Variants in PCDHGA2 observed in about 807,000 individuals in gnomAD.
PCDHGA2 encodes the protein protocadherin gamma subfamily A, 2.
PCDHGA2 carries 40 observed loss-of-function variants against 59.2 expected under a neutral mutation model. That is an observed-to-expected ratio of 0.68 (90% CI 0.52 to 0.88). The LOEUF (loss-of-function observed/expected upper bound fraction) is 0.88, where lower values mean the gene tolerates loss of function less well. PCDHGA2 is among the 40% of genes least tolerant of loss of function. The pLI is 0.00. For synonymous variants in PCDHGA2, 560 were observed against 526.0 expected (o/e 1.06, Z -0.89); for missense variants, 1,226 against 1,204.0 (o/e 1.02, Z -0.27).
intron 2 of PCDHGA2, among the ~76,000 whole-genome samples, chr5:141,501,306 C>T (rs1016823458): frequency 5.3e-5 from 8 of 151,412 alleles, no homozygotes; most frequent in Non-Finnish European, 8.8e-5. Context: ...CACACACACA[C>T]ACACACACAC....
At chr5:141,384,183 A>G (rs1779806989) in intron 1 of PCDHGA2, 11 of 1,613,812 alleles carry the variant, frequency 6.8e-6, no homozygotes, top group Non-Finnish European at 9.3e-6. Context: ...CAGATGGTGG[A>G]ACTCCTCCCT....
intron 1 of PCDHGA2, among the ~76,000 whole-genome samples, chr5:141,434,935 T>C (rs952530533): frequency 6.6e-6 from 1 of 151,788 alleles, no homozygotes; most frequent in Non-Finnish European, 1.5e-5. Flanking sequence ...TTTTATATAA[T>C]AGATATAATT....
chr5:141,403,004 T>A, intron 1 of PCDHGA2: 1 of 1,613,990 alleles, frequency 6.2e-7, no homozygotes, highest in Non-Finnish European at 8.5e-7. Context: ...CCTGCTATGC[T>A]CGCTCCTGGG....
At chr5:141,412,934 G>A (rs1232539262) in intron 1 of PCDHGA2, 1 of 453,932 alleles carries the variant, frequency 2.2e-6, no homozygotes, top group African/African-American at 2.0e-5. Context: ...TAACTTCTTA[G>A]GACTCTGAGC....
At position 141,356,943 on chromosome 5, in the gene PCDHGA2, C is replaced by T. The variant is rs374189449; in HGVS notation, c.2424+15548C>T. 109 of 1,614,240 alleles carry T rather than the reference C, an allele frequency of 6.8e-5. No homozygotes were observed. The African/African-American group carries it at 9.1e-4, about 13-fold the overall frequency. On this transcript the variant is annotated intron_variant, in intron 1 of 3. Transcript: ENST00000394576. ...CTGGTGTGGAGCTGGCACCCCGCTC[C>T]GCAGATTCCGGCTACCTGGTGACCA... is the stretch of plus-strand genomic sequence containing the variant.
chr5:141,421,927 C>T (rs1179128418), intron 1 of PCDHGA2: 2 of 1,613,396 alleles, frequency 1.2e-6, no homozygotes, highest in African/African-American at 2.7e-5. Flanking sequence ...TGTGGTGGTC[C>T]TCGATGTAAA....
At chr5:141,408,045 A>G (rs544263424) in intron 1 of PCDHGA2, 8 of 1,236,658 alleles carry the variant, frequency 6.5e-6, no homozygotes, top group Admixed American at 3.0e-5. Flanking sequence ...CAGCTCCCAC[A>G]CAGAGCCTCC....
chr5:141,365,362 C>T, intron 1 of PCDHGA2: 1 of 1,613,900 alleles, frequency 6.2e-7, no homozygotes, highest in East Asian at 2.2e-5. Flanking sequence ...ATGACAATGC[C>T]CCCGAAGTGA....
intron 1 of PCDHGA2, among the ~76,000 whole-genome samples, chr5:141,353,197 A>G (rs1353088425): frequency 2.0e-5 from 3 of 152,150 alleles, no homozygotes; most frequent in Non-Finnish European, 4.4e-5. Flanking sequence ...AAATCTTGCT[A>G]AAGAGACCTG....
At chr5:141,364,717 C>G in intron 1 of PCDHGA2, 1 of 1,613,970 alleles carries the variant, frequency 6.2e-7, no homozygotes, top group Non-Finnish European at 8.5e-7. Flanking sequence ...TTAATGATAA[C>G]TTCCCGCGTT....
At chr5:141,433,362 T>C (rs1285511534) in intron 1 of PCDHGA2, 6 of 299,814 alleles carry the variant, frequency 2.0e-5, no homozygotes, top group Non-Finnish European at 2.5e-5. Flanking sequence ...TGTCTGCCTA[T>C]CTATCTATCT....
chr5:141,365,027 C>T (rs1277837734), intron 1 of PCDHGA2: 1 of 1,613,896 alleles, frequency 6.2e-7, no homozygotes, highest in South Asian at 1.1e-5. Flanking sequence ...TGTTACGGTC[C>T]TCGACGCAAA....
Position 141,477,932 on chromosome 5 carries a change from C to T in PCDHGA2, c.2425-16875C>T. 1 of 1,614,158 alleles carries T rather than the reference C, an allele frequency of 6.2e-7. No homozygotes were observed. The highest frequency in any genetic ancestry group is 8.5e-7 in the Non-Finnish European group (1 of 1,180,034). ...CGCGGATGCAGGGCACAATGCCTGGCTCTCCTACAGTCTCTTGGGATCCCC... is the reference window on the plus strand; with the variant it reads ...CGCGGATGCAGGGCACAATGCCTGGTTCTCCTACAGTCTCTTGGGATCCCC... On this transcript the variant is annotated intron_variant, in intron 1 of 3. Coordinates refer to ENST00000394576, the MANE Select transcript of PCDHGA2 (RefSeq NM_018915.4). This position sits in a 1 kb window ranked among gnomAD's most constrained non-coding sequence, Gnocchi z 4.9.
chr5:141,511,428 G>T lies in PCDHGA2; in HGVS notation c.*255G>T. 1 of 769,024 alleles carries T rather than the reference G, an allele frequency of 1.3e-6. No homozygotes were observed. The highest frequency in any genetic ancestry group is 2.0e-6 in the Non-Finnish European group (1 of 504,448). 47.6% of individuals were successfully genotyped at this position (769,024 alleles called of 1,614,324 possible). ...ACTGCTGTACCCATGGGGGTAGTGG[G>T]GTTACTGTAGACACCAAGAACCATT... On this transcript the variant is annotated 3_prime_UTR_variant, in exon 4 of 4. Transcript: ENST00000394576.
chr5:141,346,662 A>G (rs1757790010), intron 1 of PCDHGA2: 3 of 736,898 alleles, frequency 4.1e-6, no homozygotes, highest in Non-Finnish European at 6.6e-6. Context: ...GGGAAAAAAT[A>G]ATACATCGTG....
At chr5:141,352,240 C>A (rs1561502758) in intron 1 of PCDHGA2, 1 of 1,614,078 alleles carries the variant, frequency 6.2e-7, no homozygotes, top group Admixed American at 1.7e-5. Flanking sequence ...ACCTAATCTT[C>A]GCGGATAGCC....
intron 1 of PCDHGA2, among the ~76,000 whole-genome samples, chr5:141,458,596 G>A (rs907922436): frequency 1.8e-4 from 27 of 151,842 alleles, no homozygotes; most frequent in African/African-American, 5.8e-4. Flanking sequence ...TTGGAGACGA[G>A]TCTCACTCTG....
intron 1 of PCDHGA2, chr5:141,427,206 G>C (rs1224325038): frequency 1.1e-5 from 5 of 456,606 alleles, no homozygotes; most frequent in Admixed American, 2.3e-5. Context: ...AATAGACTTC[G>C]AATTTCGTAG....
At position 141,393,619 on chromosome 5, in the gene PCDHGA2, C is replaced by T. The variant is rs768350628; in HGVS notation, c.2424+52224C>T. 50 of 1,613,708 alleles carry T rather than the reference C, an allele frequency of 3.1e-5. No homozygotes were observed. Among genetic ancestry groups the T allele is most frequent in the Admixed American group, 6.7e-5 (4 of 60,000 alleles). ...CTGCTTACTGTAACAGCCAGCGACC[C>T]GGATGAGGGAATCAACGGAAAAGTG... On this transcript the variant is annotated intron_variant, in intron 1 of 3. Transcript: ENST00000394576.
Sources: gnomAD v4.1 joint callset for allele counts (sites outside exome capture counted in the v4.1 genomes callset) on GRCh38, gnomAD v4.1.1 for gene constraint, Gnocchi (gnomAD v3.1) non-coding constraint, MANE v1.5 for transcripts, NCBI Gene and HGNC (gene_info 2026-07-23, HGNC 2026-07-21) for gene names.